TENM3: variants seen among roughly 807,000 people sequenced by gnomAD.
The protein encoded by TENM3 is teneurin transmembrane protein 3.
A neutral mutation model predicts 255.1 loss-of-function variants in TENM3; 63 were observed. That is an observed-to-expected ratio of 0.25 (90% confidence interval 0.20 to 0.30). The LOEUF (loss-of-function observed/expected upper bound fraction) is 0.30. Ranked by LOEUF, TENM3 falls within the 10% of genes least tolerant of loss-of-function variation. The pLI is 1.00. For missense variants in TENM3, 2,929 were observed against 3,461.1 expected (o/e 0.85, Z 3.86); for synonymous variants, 1,306 against 1,322.3 (o/e 0.99, Z 0.27).
chr4:182,700,876 C>T (rs1300333200), intron 12 of TENM3, among the ~76,000 whole-genome samples: 1 of 152,034 alleles, frequency 6.6e-6, no homozygotes, highest in Non-Finnish European at 1.5e-5. Flanking sequence ...GGTCAATTTG[C>T]ATCAAAACTA....
chr4:182,178,677 T>C (rs1284182186), intron 1 of TENM3, among the ~76,000 whole-genome samples: 1 of 152,208 alleles, frequency 6.6e-6, no homozygotes, highest in Non-Finnish European at 1.5e-5. Flanking sequence ...ACTCCTTACA[T>C]AATTGTTTCT....
At chr4:182,715,892 G>A (rs1759122550) in intron 13 of TENM3, among the ~76,000 whole-genome samples, 1 of 152,158 alleles carries the variant, frequency 6.6e-6, no homozygotes, top group African/African-American at 2.4e-5. Flanking sequence ...ACTGTTCACT[G>A]TTTTCTCTTA....
At chr4:182,573,764 G>GTT (rs966098966) in intron 3 of TENM3, among the ~76,000 whole-genome samples, 82 of 151,580 alleles carry the variant, frequency 5.4e-4, no homozygotes, top group African/African-American at 2.0e-3. Context: ...AAAGAAAGGA[G>GTT]AACTATAGTT....
chr4:181,531,328 T>C, the TENM3 span, among the ~76,000 whole-genome samples: 3 of 152,208 alleles, frequency 2.0e-5, no homozygotes, highest in Admixed American at 1.3e-4. Flanking sequence ...ACGACAAAGT[T>C]GCCAGATAAA....
chr4:182,671,756 C>T (rs745883171), intron 6 of TENM3, among the ~76,000 whole-genome samples: 2 of 152,186 alleles, frequency 1.3e-5, no homozygotes, highest in Non-Finnish European at 2.9e-5. Flanking sequence ...TAGTTAGAAG[C>T]CTGTCTCCCT....
the TENM3 span, among the ~76,000 whole-genome samples, chr4:181,902,918 A>G: frequency 4.6e-5 from 7 of 152,308 alleles, no homozygotes; most frequent in South Asian, 1.2e-3. Flanking sequence ...ATTAACTGAA[A>G]GTAGCATTCG....
chr4:182,426,630 A>T (rs1462739664), intron 3 of TENM3, among the ~76,000 whole-genome samples: 1 of 152,182 alleles, frequency 6.6e-6, no homozygotes, highest in East Asian at 1.9e-4. Flanking sequence ...ATTTCAGAAT[A>T]TTTAAACTGT....
chr4:181,484,998 G>A, the TENM3 span, among the ~76,000 whole-genome samples: 42 of 152,084 alleles, frequency 2.8e-4, no homozygotes, highest in Admixed American at 6.5e-5. Context: ...AAAGACTCTT[G>A]ATCCAGGAAG....
the TENM3 span, among the ~76,000 whole-genome samples, chr4:181,851,435 A>C: frequency 6.6e-6 from 1 of 152,314 alleles, no homozygotes; most frequent in African/African-American, 2.4e-5. Flanking sequence ...TAGCACTCCC[A>C]GAAGAGTAAA....
At chr4:181,742,712 C>T in the TENM3 span, among the ~76,000 whole-genome samples, 1 of 151,148 alleles carries the variant, frequency 6.6e-6, no homozygotes, top group African/African-American at 2.4e-5. Flanking sequence ...TTTTAGGGTA[C>T]ATGTGCACAA....
intron 3 of TENM3, among the ~76,000 whole-genome samples, chr4:182,381,552 C>T (rs1767568166): frequency 6.7e-6 from 1 of 148,672 alleles, no homozygotes; most frequent in African/African-American, 2.5e-5. Context: ...CCCTCCCCTC[C>T]CCTCTTCTCC....
intron 12 of TENM3, among the ~76,000 whole-genome samples, chr4:182,694,158 G>A (rs1351000058): frequency 6.6e-6 from 1 of 151,854 alleles, no homozygotes; most frequent in Non-Finnish European, 1.5e-5. Context: ...TGCCCAGGCT[G>A]GACTGCGGTG....
the TENM3 span, among the ~76,000 whole-genome samples, chr4:182,080,820 C>T: frequency 7.1e-6 from 1 of 140,114 alleles, no homozygotes; most frequent in Non-Finnish European, 1.6e-5. Flanking sequence ...AGGGAGACCC[C>T]GCCTTTATAA....
At chr4:181,767,265 A>G in the TENM3 span, among the ~76,000 whole-genome samples, 1 of 150,638 alleles carries the variant, frequency 6.6e-6, no homozygotes, top group East Asian at 1.9e-4. Flanking sequence ...AAAAAAAAAA[A>G]AAAAAAGAAA....
chr4:182,123,593 G>C, the TENM3 span, among the ~76,000 whole-genome samples: 1 of 152,212 alleles, frequency 6.6e-6, no homozygotes, highest in Admixed American at 6.5e-5. Flanking sequence ...TATTGATGAA[G>C]TGTGCAGTCT....
At chr4:182,745,262 T>G (rs1431031797) in intron 19 of TENM3, among the ~76,000 whole-genome samples, 1 of 152,218 alleles carries the variant, frequency 6.6e-6, no homozygotes, top group Non-Finnish European at 1.5e-5. Flanking sequence ...CTATTGATCT[T>G]AAACTTGCAG....
the TENM3 span, among the ~76,000 whole-genome samples, chr4:181,573,428 A>T: frequency 2.6e-5 from 4 of 151,808 alleles, no homozygotes; most frequent in African/African-American, 9.7e-5. Flanking sequence ...TTTTTTTTTT[A>T]AAGAAATATG....
the TENM3 span, among the ~76,000 whole-genome samples, chr4:182,125,779 T>TC: frequency 6.6e-6 from 1 of 151,502 alleles, no homozygotes; most frequent in Non-Finnish European, 1.5e-5. Context: ...TTTTTTTTTT[T>TC]TTTTAAAGAT....
At chr4:182,618,274 T>C (rs1476168661) in intron 4 of TENM3, among the ~76,000 whole-genome samples, 3 of 152,144 alleles carry the variant, frequency 2.0e-5, no homozygotes, top group Non-Finnish European at 4.4e-5. Flanking sequence ...GTCCCTATAA[T>C]TTCTAATTTA....
Sources: allele counts gnomAD v4.1 joint callset (sites outside exome capture counted in the v4.1 genomes callset), GRCh38; gene constraint gnomAD v4.1.1; transcripts MANE v1.5; gene names NCBI Gene and HGNC (gene_info 2026-07-23, HGNC 2026-07-21).